The following LRBA variants were observed in gnomAD, a reference collection of about 807,000 sequenced individuals.
LRBA encodes the protein LPS responsive beige-like anchor protein, also known as lipopolysaccharide-responsive and beige-like anchor protein.
A neutral mutation model predicts 330.0 loss-of-function variants in LRBA; 176 were observed. That is an observed-to-expected ratio of 0.53 (90% CI 0.47 to 0.60). LRBA has a LOEUF of 0.60. Ranked by LOEUF, LRBA falls within the 20% of genes least tolerant of loss-of-function variation. The pLI, the probability that LRBA is intolerant of heterozygous loss-of-function variation, is 0.00. For missense variants in LRBA, 3,259 were observed against 3,444.8 expected (o/e 0.95, Z 1.35); for synonymous variants, 1,230 against 1,193.0 (o/e 1.03, Z -0.64).
chr4:150,574,008 T>C (rs1309591233), intron 40 of LRBA, among the ~76,000 whole-genome samples: 1 of 152,118 alleles, frequency 6.6e-6, no homozygotes, highest in Non-Finnish European at 1.5e-5. Context: ...CAAGAACTAA[T>C]ATTTACACAA....
intron 40 of LRBA, among the ~76,000 whole-genome samples, chr4:150,515,392 G>A (rs1245591895): frequency 6.6e-6 from 1 of 152,116 alleles, no homozygotes; most frequent in Non-Finnish European, 1.5e-5. Flanking sequence ...TAAAACAGGA[G>A]TGGAAAATAT....
At chr4:150,606,398 A>T (rs897428086) in intron 37 of LRBA, among the ~76,000 whole-genome samples, 2 of 152,134 alleles carry the variant, frequency 1.3e-5, no homozygotes, top group African/African-American at 4.8e-5. Flanking sequence ...ACTGTCCCCA[A>T]ATATCTAATT....
chr4:150,638,035 G>C (rs191734014), intron 37 of LRBA, among the ~76,000 whole-genome samples: 48 of 151,734 alleles, frequency 3.2e-4, no homozygotes, highest in East Asian at 2.3e-3. Flanking sequence ...ATCAGTTTGG[G>C]GCATACTAGC....
rs1289526244 is a variant in LRBA, at chr4:150,321,574, T to A, written c.7453-206A>T. Among the ~76,000 whole-genome samples the A allele has an allele frequency of 1.3e-5, 2 of 152,136 alleles. No individual in the cohort carries two copies. Among genetic ancestry groups the A allele is most frequent in the Non-Finnish European group, 2.9e-5 (2 of 68,014 alleles). ...TATTCATGTATGTCGTTAGTTGGAA[T>A]TTTGGGGGACTGAAGTAGAATACAT... On this transcript the variant is annotated intron_variant, in intron 49 of 56. Transcript: ENST00000651943. The surrounding 1 kb of genome is among the most constrained non-coding windows in gnomAD (Gnocchi z 4.5).
chr4:150,373,454 A>C (rs1045078923), intron 47 of LRBA, among the ~76,000 whole-genome samples: 4 of 152,080 alleles, frequency 2.6e-5, no homozygotes, highest in Admixed American at 6.6e-5. Flanking sequence ...GACTCTCATC[A>C]ACTTGACTGC....
At chr4:150,682,973 C>T (rs1175479097) in intron 37 of LRBA, among the ~76,000 whole-genome samples, 1 of 151,926 alleles carries the variant, frequency 6.6e-6, no homozygotes, top group African/African-American at 2.4e-5. Flanking sequence ...AAATCAACAA[C>T]AGCATGTCCA....
chr4:150,404,632 C>G (rs1745938230), intron 47 of LRBA, among the ~76,000 whole-genome samples: 1 of 152,152 alleles, frequency 6.6e-6, no homozygotes. Flanking sequence ...AGCTATATCA[C>G]TGAGGCTGAA....
rs541604991 is a variant in LRBA at position 150,607,049 on chromosome 4, G to A, written c.5922-7918C>T. ...CAAGAAATAGCATGGATAAAGGCAT[G>A]GAAATGTAAAAGGGCTCTGTAATTT... On this transcript the variant is annotated intron_variant, in intron 37 of 56. Transcript: ENST00000651943. 1.9e-3 allele frequency among the ~76,000 whole-genome samples: 293 copies of A among 152,284 alleles called. 3 individuals are homozygous for A. Among genetic ancestry groups the A allele is most frequent in the African/African-American group, 6.8e-3 (281 of 41,554 alleles).
At chr4:150,785,667 G>A (rs2126616179) in intron 34 of LRBA, among the ~76,000 whole-genome samples, 2 of 152,118 alleles carry the variant, frequency 1.3e-5, no homozygotes, top group South Asian at 4.2e-4. Context: ...TAGGACTCAG[G>A]AATCATCATA....
chr4:150,861,728 C>T (rs1314058983), intron 22 of LRBA, among the ~76,000 whole-genome samples: 1 of 152,126 alleles, frequency 6.6e-6, no homozygotes, highest in African/African-American at 2.4e-5. Flanking sequence ...CTTACTGTAA[C>T]ATTTTAACTT....
chr4:150,483,193 T>A (rs967989185), intron 42 of LRBA, among the ~76,000 whole-genome samples: 2 of 152,040 alleles, frequency 1.3e-5, no homozygotes, highest in African/African-American at 4.8e-5. Context: ...GTGAGGTTCT[T>A]TTTCTTTTTG....
At chr4:150,294,781 C>G (rs1201883329) in intron 53 of LRBA, among the ~76,000 whole-genome samples, 1 of 152,182 alleles carries the variant, frequency 6.6e-6, no homozygotes, top group Non-Finnish European at 1.5e-5. Flanking sequence ...GAAACCCTGT[C>G]TCTACTAAAA....
Position 150,916,431 on chromosome 4 carries a change from GT to G in LRBA, c.863del (p.His288ProfsTer3), listed in dbSNP as rs2149489382. Reference protein sequence around the residue: ...SIKSKGKGFQHCVKFDFKPQK... With the variant: ...SIKSKGKGFQXCVKFDFKPQK... ...GTGGCTTGAAATCAAATTTCACACA[GT>G]GTTGAAAGCCTTTTCCTTTTGACTT... On this transcript the variant is annotated frameshift_variant, in exon 7 of 57. Transcript: ENST00000651943. LOFTEE classifies it high-confidence loss of function. The G allele has an allele frequency of 6.2e-7, 1 of 1,613,598 alleles. No individual in the cohort carries two copies. Among genetic ancestry groups the G allele is most frequent in the Non-Finnish European group, 8.5e-7 (1 of 1,179,756 alleles).
rs1044894956 is a variant in LRBA, at chr4:150,724,921, CAT to C, written c.5754+10335_5754+10336del. Among the ~76,000 whole-genome samples the C allele has an allele frequency of 1.5e-4, 23 of 148,998 alleles. No homozygotes were observed. In the East Asian group the frequency reaches 2.9e-3, roughly 19 times the overall value. ...ATATATATACACACACACACACACA[CAT>C]ACATATAGCAGAAATTCTATAATTG... On this transcript the variant is annotated intron_variant, in intron 36 of 56. Coordinates refer to ENST00000651943, the MANE Select transcript of LRBA (RefSeq NM_001364905.1).
At chr4:150,667,507 C>T (rs1448387501) in intron 37 of LRBA, among the ~76,000 whole-genome samples, 4 of 152,090 alleles carry the variant, frequency 2.6e-5, no homozygotes, top group Non-Finnish European at 4.4e-5. Context: ...ATAGAAAAGT[C>T]AAGGAATTTT....
At chr4:150,384,274 G>T (rs1742737899) in intron 47 of LRBA, among the ~76,000 whole-genome samples, 1 of 151,998 alleles carries the variant, frequency 6.6e-6, no homozygotes, top group Non-Finnish European at 1.5e-5. Flanking sequence ...CCGACCTCAG[G>T]TGATCCGCCC....
intron 2 of LRBA, among the ~76,000 whole-genome samples, chr4:151,011,597 C>CAAAAA (rs77338885): frequency 1.1e-5 from 1 of 90,516 alleles, no homozygotes. Context: ...GACTCTATCT[C>CAAAAA]AAAAAAAAAA....
At chr4:150,771,793 C>G (rs1358731468) in intron 34 of LRBA, among the ~76,000 whole-genome samples, 1 of 152,164 alleles carries the variant, frequency 6.6e-6, no homozygotes, top group Non-Finnish European at 1.5e-5. Context: ...TAACCTCCAT[C>G]CCTGCCACCA....
intron 33 of LRBA, among the ~76,000 whole-genome samples, chr4:150,805,729 C>T (rs1393734792): frequency 6.6e-6 from 1 of 151,754 alleles, no homozygotes; most frequent in African/African-American, 2.4e-5. Flanking sequence ...ATTCCTCATC[C>T]ACTCCATAAA....
Sources: allele counts gnomAD v4.1 joint callset (sites outside exome capture counted in the v4.1 genomes callset), GRCh38; gene constraint gnomAD v4.1.1; non-coding constraint Gnocchi (gnomAD v3.1); transcripts MANE v1.5; gene names NCBI Gene and HGNC (gene_info 2026-07-23, HGNC 2026-07-21).